Variants in PHACTR1 observed in about 807,000 individuals in gnomAD.
PHACTR1 encodes phosphatase and actin regulator 1, also known as RPEL repeat containing 1.
In PHACTR1, 16 loss-of-function variants were observed where a neutral mutation model predicts 69.2. The observed-to-expected ratio is 0.23, with a 90% confidence interval of 0.16 to 0.35. PHACTR1 has a LOEUF of 0.35. Ranked by LOEUF, PHACTR1 falls within the 10% of genes least tolerant of loss-of-function variation. PHACTR1 has a pLI of 1.00. For missense variants in PHACTR1, 510 were observed against 734.7 expected (o/e 0.69, Z 3.54); for synonymous variants, 312 against 284.5 (o/e 1.10, Z -0.97).
chr6:13,272,724 GTC>G (rs1315138041), intron 10 of PHACTR1, 134 bp from the exon 11 acceptor site: 1 of 1,596,262 alleles, frequency 6.3e-7, no homozygotes, highest in African/African-American at 1.3e-5. Flanking sequence ...GGTGGCGAGA[GTC>G]AGTCTTTCAG....
chr6:13,105,394 G>A (rs560753385), intron 5 of PHACTR1, among the ~76,000 whole-genome samples: 1 of 152,154 alleles, frequency 6.6e-6, no homozygotes, highest in South Asian at 2.1e-4. Flanking sequence ...TGTGTGTCGG[G>A]GGCGGGGTGG....
chr6:12,731,553 C>A (rs2127572472), intron 3 of PHACTR1, among the ~76,000 whole-genome samples: 1 of 152,246 alleles, frequency 6.6e-6, no homozygotes, highest in East Asian at 1.9e-4. Flanking sequence ...ACTGAAATTG[C>A]AAAAGAAAAT....
intron 4 of PHACTR1, among the ~76,000 whole-genome samples, chr6:12,768,129 T>TC (rs1768884257): frequency 6.7e-6 from 1 of 148,412 alleles, no homozygotes; most frequent in Admixed American, 6.7e-5. Flanking sequence ...TTTTTTTTTT[T>TC]TTTGAGATGG....
chr6:12,845,422 A>ACCCG (rs879435671), intron 4 of PHACTR1, among the ~76,000 whole-genome samples: 2 of 12,826 alleles, frequency 1.6e-4, no homozygotes, highest in African/African-American at 2.8e-4. Context: ...CATTGTGAAC[A>ACCCG]CCACCCACCC....
intron 7 of PHACTR1, among the ~76,000 whole-genome samples, chr6:13,196,891 C>T (rs905120787): frequency 6.6e-6 from 1 of 152,238 alleles, no homozygotes; most frequent in Non-Finnish European, 1.5e-5. Context: ...ACTTTCCAAT[C>T]ACCTCTGCTC....
At chr6:13,141,721 TTTC>T (rs1822482657) in intron 5 of PHACTR1, among the ~76,000 whole-genome samples, 4 of 103,138 alleles carry the variant, frequency 3.9e-5, no homozygotes, top group South Asian at 8.6e-4. Context: ...AGATTTCTTC[TTTC>T]TTTTTTTTTT....
chr6:12,870,858 G>C (rs935102788), intron 4 of PHACTR1, among the ~76,000 whole-genome samples: 2 of 152,180 alleles, frequency 1.3e-5, no homozygotes, highest in African/African-American at 4.8e-5. Flanking sequence ...CACCAAAGCA[G>C]CTTTGTTTTT....
intron 4 of PHACTR1, among the ~76,000 whole-genome samples, chr6:12,975,886 A>G (rs1319633494): frequency 6.6e-6 from 1 of 152,218 alleles, no homozygotes; most frequent in Non-Finnish European, 1.5e-5. Flanking sequence ...TGGTAGGCTG[A>G]ATCTTTCTTT....
At chr6:12,899,538 A>C (rs1387630949) in intron 4 of PHACTR1, among the ~76,000 whole-genome samples, 4 of 152,242 alleles carry the variant, frequency 2.6e-5, no homozygotes, top group Admixed American at 6.5e-5. Flanking sequence ...AGTATTCATA[A>C]AAATCAGACA....
chr6:13,177,364 G>GCTCTCT (rs60383041), intron 6 of PHACTR1, among the ~76,000 whole-genome samples: 9 of 146,016 alleles, frequency 6.2e-5, no homozygotes, highest in East Asian at 2.0e-4. Context: ...TCTCTCTTGC[G>GCTCTCT]CTCTCTCTCT....
At chr6:13,269,869 C>G (rs1020892133) in intron 10 of PHACTR1, among the ~76,000 whole-genome samples, 1 of 152,180 alleles carries the variant, frequency 6.6e-6, no homozygotes, top group Non-Finnish European at 1.5e-5. Flanking sequence ...TTTCACTCTA[C>G]TCTCACACTT....
chr6:13,258,187 G>A (rs1249527544), intron 10 of PHACTR1, among the ~76,000 whole-genome samples: 9 of 151,878 alleles, frequency 5.9e-5, no homozygotes, highest in Non-Finnish European at 5.9e-5. Flanking sequence ...ATGAAACCCC[G>A]TCTCTACTAA....
intron 4 of PHACTR1, among the ~76,000 whole-genome samples, chr6:12,848,103 A>G (rs1237412427): frequency 6.6e-6 from 1 of 152,194 alleles, no homozygotes; most frequent in Non-Finnish European, 1.5e-5. Context: ...ACCAAATATT[A>G]TCCTTGATGC....
chr6:12,799,793 G>C (rs1773488476), intron 4 of PHACTR1, among the ~76,000 whole-genome samples: 1 of 152,288 alleles, frequency 6.6e-6, no homozygotes, highest in South Asian at 2.1e-4. Flanking sequence ...GATTCTTATA[G>C]AATTTTTTCT....
At chr6:13,087,295 A>G (rs1561811016) in intron 5 of PHACTR1, among the ~76,000 whole-genome samples, 1 of 151,424 alleles carries the variant, frequency 6.6e-6, no homozygotes, top group East Asian at 1.9e-4. Flanking sequence ...TGATTTAACC[A>G]TTCTACCAAA....
intron 4 of PHACTR1, among the ~76,000 whole-genome samples, chr6:12,778,808 A>G (rs1468524183): frequency 1.3e-5 from 2 of 152,240 alleles, no homozygotes; most frequent in Non-Finnish European, 2.9e-5. Context: ...TAAAACACTT[A>G]AATGCAGTTT....
intron 5 of PHACTR1, among the ~76,000 whole-genome samples, chr6:13,143,976 G>A (rs958354658): frequency 1.3e-5 from 2 of 152,034 alleles, no homozygotes; most frequent in Non-Finnish European, 2.9e-5. Context: ...CAATTCATAG[G>A]TGCAGATAAA....
intron 4 of PHACTR1, among the ~76,000 whole-genome samples, chr6:12,786,216 A>C (rs1360310361): frequency 6.6e-6 from 1 of 152,152 alleles, no homozygotes; most frequent in South Asian, 2.1e-4. Context: ...TGGGTTTCTC[A>C]TGCTACTCAT....
At chr6:12,872,250 A>G (rs1782104947) in intron 4 of PHACTR1, among the ~76,000 whole-genome samples, 1 of 152,212 alleles carries the variant, frequency 6.6e-6, no homozygotes, top group Non-Finnish European at 1.5e-5. Flanking sequence ...TACACGGAAC[A>G]AGAGCATGGA....
Sources: allele counts gnomAD v4.1 joint callset (sites outside exome capture counted in the v4.1 genomes callset), GRCh38; gene constraint gnomAD v4.1.1; transcripts MANE v1.5; gene names NCBI Gene and HGNC (gene_info 2026-07-23, HGNC 2026-07-21).